SHANK2: variants seen among roughly 807,000 people sequenced by gnomAD.
SHANK2 encodes the protein SH3 and multiple ankyrin repeat domains 2.
A neutral mutation model predicts 133.7 loss-of-function variants in SHANK2; 43 were observed. The observed-to-expected ratio is 0.32, with a 90% CI of 0.25 to 0.41. The LOEUF is 0.41. Ranked by LOEUF, SHANK2 falls within the 10% of genes least tolerant of loss-of-function variation. The probability of loss-of-function intolerance (pLI) is 1.00; values close to 1 mark genes in which losing one functional copy is unlikely to be tolerated. For synonymous variants in SHANK2, 1,017 were observed against 952.8 expected (o/e 1.07, Z -1.24); for missense variants, 1,994 against 2,235.8 (o/e 0.89, Z 2.18).
chr11:70,585,924 T>A (rs987204546), intron 17 of SHANK2, among the ~76,000 whole-genome samples: 1 of 144,930 alleles, frequency 6.9e-6, no homozygotes, highest in African/African-American at 2.5e-5. Context: ...CATCCACCCA[T>A]CCTTCATCCA....
intron 3 of SHANK2, among the ~76,000 whole-genome samples, chr11:71,142,904 A>C (rs1377715331): frequency 2.6e-5 from 4 of 152,166 alleles, no homozygotes; most frequent in African/African-American, 7.2e-5. Context: ...GAAGACAATC[A>C]AACAACATCC....
intron 14 of SHANK2, among the ~76,000 whole-genome samples, chr11:70,702,918 A>G (rs1268295680): frequency 1.3e-5 from 2 of 152,220 alleles, no homozygotes; most frequent in African/African-American, 4.8e-5. Context: ...TCCCTCCTTA[A>G]AGGGGAAGGA....
intron 3 of SHANK2, among the ~76,000 whole-genome samples, chr11:71,146,491 A>C (rs1418539277): frequency 1.3e-5 from 2 of 152,206 alleles, no homozygotes; most frequent in Non-Finnish European, 2.9e-5. Context: ...AAATCCAACA[A>C]AAGGGACCCC....
intron 17 of SHANK2, among the ~76,000 whole-genome samples, chr11:70,568,564 C>A (rs2059997408): frequency 6.6e-6 from 1 of 150,448 alleles, no homozygotes; most frequent in Non-Finnish European, 1.5e-5. Flanking sequence ...TGAATTTCCC[C>A]AAAGCCAATT....
intron 14 of SHANK2, among the ~76,000 whole-genome samples, chr11:70,729,792 C>CA (rs1374929934): frequency 6.6e-6 from 1 of 151,404 alleles, no homozygotes; most frequent in African/African-American, 2.4e-5. Context: ...CTCAGCCTCC[C>CA]AAAGTGCTGG....
chr11:70,834,597 G>A (rs114570686), intron 11 of SHANK2, among the ~76,000 whole-genome samples: 2 of 152,264 alleles, frequency 1.3e-5, no homozygotes, highest in African/African-American at 2.4e-5. Context: ...TCTTTCCCTC[G>A]TAGCTTTAGA....
At chr11:71,097,679 G>A (rs1414313138) in intron 6 of SHANK2, among the ~76,000 whole-genome samples, 1 of 152,136 alleles carries the variant, frequency 6.6e-6, no homozygotes, top group African/African-American at 2.4e-5. Context: ...GGGGGCTCCC[G>A]GAAGCGCAGC....
At chr11:71,065,691 T>C (rs1951044375) in intron 9 of SHANK2, among the ~76,000 whole-genome samples, 7 of 109,384 alleles carry the variant, frequency 6.4e-5, no homozygotes, top group East Asian at 3.2e-4. Flanking sequence ...GCGGAACTCT[T>C]CCAGGGAGAT....
intron 13 of SHANK2, among the ~76,000 whole-genome samples, chr11:70,798,885 C>T (rs1169712138): frequency 1.3e-5 from 2 of 152,186 alleles, no homozygotes; most frequent in Non-Finnish European, 2.9e-5. Context: ...CTCAGTGTTG[C>T]ACATGAGACA....
At chr11:70,617,526 G>C (rs2060766994) in intron 17 of SHANK2, among the ~76,000 whole-genome samples, 1 of 152,118 alleles carries the variant, frequency 6.6e-6, no homozygotes, top group Admixed American at 6.6e-5. Context: ...AGCTGATCGT[G>C]GGCTTCAGAG....
intron 14 of SHANK2, among the ~76,000 whole-genome samples, chr11:70,762,895 G>A (rs1057108203): frequency 6.6e-6 from 1 of 152,204 alleles, no homozygotes; most frequent in Non-Finnish European, 1.5e-5. Flanking sequence ...GAATGGAGGC[G>A]GGAGAGATGC....
At chr11:71,204,605 G>A (rs540812345) in intron 2 of SHANK2, among the ~76,000 whole-genome samples, 24 of 152,300 alleles carry the variant, frequency 1.6e-4, no homozygotes, top group African/African-American at 3.8e-4. Flanking sequence ...TGCCAGCCAC[G>A]CCCTTGCACT....
chr11:70,820,032 T>C lies in SHANK2; in HGVS notation c.1493+332A>G, dbSNP rs151120663. Among the ~76,000 whole-genome samples, 439 of 152,156 alleles carry C rather than the reference T, an allele frequency of 2.9e-3. 3 individuals carry two copies. The highest frequency in any genetic ancestry group is 0.01 in the African/African-American group (429 of 41,516). On this transcript the variant is annotated intron_variant, in intron 12 of 25. Coordinates refer to ENST00000601538, the MANE Select transcript of SHANK2 (RefSeq NM_012309.5). The stretch of plus-strand genomic sequence containing the variant: ...CCTCTCTCCCTCTTGACATTTCACT[T>C]AGGACCAAGAAGTCAGTACACAAGG...
intron 17 of SHANK2, among the ~76,000 whole-genome samples, chr11:70,649,080 C>T (rs12361402): frequency 2.3e-4 from 35 of 152,118 alleles, no homozygotes; most frequent in South Asian, 6.2e-4. Context: ...TGTCCAATGG[C>T]GACGTTCATC....
chr11:70,491,152 A>G (rs1555155753), intron 22 of SHANK2, among the ~76,000 whole-genome samples: 1 of 152,244 alleles, frequency 6.6e-6, no homozygotes, highest in Non-Finnish European at 1.5e-5. Context: ...CCAAACCTGT[A>G]GTGTTGAAGG....
At chr11:70,800,685 G>A (rs1192661361) in intron 13 of SHANK2, among the ~76,000 whole-genome samples, 1 of 152,194 alleles carries the variant, frequency 6.6e-6, no homozygotes, top group African/African-American at 2.4e-5. Context: ...ACTGCCTGAA[G>A]CATCTCCTCC....
intron 2 of SHANK2, among the ~76,000 whole-genome samples, chr11:71,197,060 C>T (rs1219426945): frequency 1.3e-5 from 2 of 151,142 alleles, no homozygotes; most frequent in East Asian, 2.0e-4. Flanking sequence ...AAGGCCCTCA[C>T]GTGCCTCGCT....
rs554714835 is a variant in SHANK2 at position 70,676,837 on chromosome 11, G to C, written c.1854-15159C>G. ...AGGATTCATGAGCCCCAGTGACACAGATGGGGGCCCTGCTCTATATTCAAC... is the reference window on the plus strand; with the variant it reads ...AGGATTCATGAGCCCCAGTGACACACATGGGGGCCCTGCTCTATATTCAAC... On this transcript the variant is annotated intron_variant, in intron 15 of 25. Coordinates refer to ENST00000601538, the MANE Select transcript of SHANK2 (RefSeq NM_012309.5). 3.9e-5 allele frequency among the ~76,000 whole-genome samples: 6 copies of C among 152,266 alleles called. No individual in the cohort carries two copies. The South Asian group carries it at 1.2e-3, about 32-fold the overall frequency.
chr11:71,240,541 C>T (rs1954875684), intron 1 of SHANK2, among the ~76,000 whole-genome samples: 1 of 152,194 alleles, frequency 6.6e-6, no homozygotes, highest in East Asian at 1.9e-4. Flanking sequence ...CAGACCCCAG[C>T]CCCTAGAGAA....
Sources: allele counts gnomAD v4.1 joint callset (sites outside exome capture counted in the v4.1 genomes callset), GRCh38; gene constraint gnomAD v4.1.1; transcripts MANE v1.5; gene names NCBI Gene and HGNC (gene_info 2026-07-23, HGNC 2026-07-21).